LPCAT4: variants seen among roughly 807,000 people sequenced by gnomAD.
LPCAT4 encodes lysophospholipid acyltransferase LPCAT4.
LPCAT4 carries 30 observed loss-of-function variants against 66.5 expected under a neutral mutation model. The observed-to-expected ratio is 0.45, with a 90% CI of 0.34 to 0.61. The LOEUF (loss-of-function observed/expected upper bound fraction) is 0.61. Among genes scored for constraint, LPCAT4 ranks in the 20% least tolerant of loss-of-function variants. LPCAT4 has a pLI of 0.01. For synonymous variants in LPCAT4, 253 were observed against 262.1 expected (o/e 0.97, Z 0.34); for missense variants, 557 against 656.7 (o/e 0.85, Z 1.66).
rs761077471 is a variant in LPCAT4 at position 34,364,080 on chromosome 15, T to TA, written c.592-8dup. The TA allele has an allele frequency of 4.3e-5, 69 of 1,611,622 alleles. No individual in the cohort carries two copies. The highest frequency in any genetic ancestry group is 3.3e-4 in the Middle Eastern group (2 of 6,056). On this transcript the variant is annotated splice_polypyrimidine_tract_variant and splice_region_variant and intron_variant, in intron 4 of 13. Transcript: ENST00000314891. Reference sequence around the variant, plus strand: ...CCTCAGGAAAGAATAGCACCTGGGGTAAAAAAGAGCAGAATGAGGTGAAGA... The same window carrying TA: ...CCTCAGGAAAGAATAGCACCTGGGGTAAAAAAAGAGCAGAATGAGGTGAAGA...
intron 8 of LPCAT4, 38 bp from the exon 9 acceptor site, chr15:34,362,693 A>G: frequency 6.2e-7 from 1 of 1,609,390 alleles, no homozygotes; most frequent in Non-Finnish European, 8.5e-7. Flanking sequence ...TCAGAACCTC[A>G]AAGTGAGGTA....
At chr15:34,364,429 T>C (rs1397532354) in intron 3 of LPCAT4, 123 bp from the exon 4 acceptor site, 13 of 548,850 alleles carry the variant, frequency 2.4e-5, no homozygotes, top group African/African-American at 1.6e-4. Context: ...TTTTTTTCTG[T>C]TGTTGTTGTT....
At position 34,365,204 on chromosome 15, in the gene LPCAT4, T is replaced by G; in HGVS notation, c.282A>C (p.Leu94=). The G allele has an allele frequency of 6.2e-7, 1 of 1,610,794 alleles. No individual in the cohort carries two copies. The highest frequency in any genetic ancestry group is 8.5e-7 in the Non-Finnish European group (1 of 1,178,708). The change falls in exon 3 of 14, where the codon CTA becomes CTC. Residue 94 remains leucine (L), a synonymous_variant. Coordinates refer to ENST00000314891, the MANE Select transcript of LPCAT4 (RefSeq NM_153613.3). ...WRKTVCHNGV[L]GLSRLLFFLL... The stretch of plus-strand genomic sequence containing the variant: ...GGAAAAACAGCAGGCGGCTCAGGCC[T>G]AGCACCCCGTTGTGGCACACAGTCC...
intron 12 of LPCAT4, 113 bp downstream of exon 12, chr15:34,359,998 A>G (rs1455191569): frequency 4.3e-6 from 4 of 934,662 alleles, no homozygotes; most frequent in Non-Finnish European, 6.7e-6. Context: ...ACTAGGTTGG[A>G]TACCAAATGC....
rs1043443124 is a variant in LPCAT4, at chr15:34,363,344, G to C, written c.746+78C>G. Reference sequence around the variant, plus strand: ...ATGAAGAAGGGCCATTCACCTTGTCGGGAGATTGGAAGATGGGCCAGGAAT... The same window carrying C: ...ATGAAGAAGGGCCATTCACCTTGTCCGGAGATTGGAAGATGGGCCAGGAAT... On this transcript the variant is annotated intron_variant, in intron 7 of 13. Coordinates refer to ENST00000314891, the MANE Select transcript of LPCAT4 (RefSeq NM_153613.3). The surrounding 1 kb of genome is among the most constrained non-coding windows in gnomAD (Gnocchi z 4.3). 15 of 1,482,994 alleles carry C rather than the reference G, an allele frequency of 1.0e-5. No homozygotes were observed. The highest frequency in any genetic ancestry group is 1.4e-5 in the Non-Finnish European group (15 of 1,078,024). 91.9% of individuals were successfully genotyped at this position (1,482,994 alleles called of 1,614,324 possible).
intron 10 of LPCAT4, 64 bp from the exon 11 acceptor site, chr15:34,361,596 G>A: frequency 6.3e-7 from 1 of 1,598,230 alleles, no homozygotes. Flanking sequence ...CCATCAGCAG[G>A]ACTTCAGCCC....
chr15:34,365,132 G>A lies in LPCAT4; in HGVS notation c.354C>T (p.Arg118=). Residue 118 remains arginine, a synonymous_variant, in exon 3 of 14, where the codon CGC becomes CGT. Coordinates refer to ENST00000314891, the MANE Select transcript of LPCAT4 (RefSeq NM_153613.3). ...CAGCAACAAGGACAGGGGCTTGAAGGCGAGAGGCTCGCTGGCCACGAACGC... is the reference window on the plus strand; with the variant it reads ...CAGCAACAAGGACAGGGGCTTGAAGACGAGAGGCTCGCTGGCCACGAACGC... The part of the protein sequence containing the change: ...RIRVRGQRAS[R]LQAPVLVAAP... 3.7e-6 allele frequency: 6 copies of A among 1,614,234 alleles called. No individual in the cohort carries two copies. The highest frequency in any genetic ancestry group is 4.2e-6 in the Non-Finnish European group (5 of 1,180,046).
chr15:34,359,805 CCA>C, intron 12 of LPCAT4, 60 bp from the exon 13 acceptor site: 3 of 1,520,954 alleles, frequency 2.0e-6, no homozygotes, highest in Non-Finnish European at 2.7e-6. Context: ...TCACCCTGCC[CCA>C]CAGACTGGCC....
rs1001639622 is a variant in LPCAT4, at chr15:34,358,965, G to GT, written c.*161dup. The GT allele has an allele frequency of 6.9e-6, 3 of 436,838 alleles. No individual in the cohort carries two copies. The highest frequency in any genetic ancestry group is 7.6e-6 in the Non-Finnish European group (2 of 261,650). 27.1% of individuals were successfully genotyped at this position (436,838 alleles called of 1,614,324 possible). ...TAGATTTATATTTATATATAAAATA[G>GT]TTTTTTACAAAAAAATCAACCAAAC... On this transcript the variant is annotated 3_prime_UTR_variant, in exon 14 of 14. Coordinates refer to ENST00000314891, the MANE Select transcript of LPCAT4 (RefSeq NM_153613.3).
intron 7 of LPCAT4, 25 bp from the exon 8 acceptor site, chr15:34,362,861 T>C (rs748316340): frequency 6.2e-7 from 1 of 1,611,302 alleles, no homozygotes. Flanking sequence ...ATTTCGATAC[T>C]CACCAATCTC....
chr15:34,365,896 A>G lies in LPCAT4; in HGVS notation c.115-195T>C, dbSNP rs188732583. On this transcript the variant is annotated intron_variant, in intron 1 of 13. Transcript: ENST00000314891. ...AATGAGGGCAAGAGGATAAAAGATTAATGGCATCAAGGGCCTTATTTTCCT... is the reference window on the plus strand; with the variant it reads ...AATGAGGGCAAGAGGATAAAAGATTGATGGCATCAAGGGCCTTATTTTCCT... 397 of 604,378 alleles carry G rather than the reference A, an allele frequency of 6.6e-4. 2 individuals carry two copies. The highest frequency in any genetic ancestry group is 2.9e-3 in the Admixed American group (95 of 33,010). 37.4% of individuals were successfully genotyped at this position (604,378 alleles called of 1,614,324 possible).
Position 34,360,137 on chromosome 15 carries a change from C to T in LPCAT4, c.1216G>A (p.Glu406Lys), listed in dbSNP as rs1354404996. 1 of 1,613,654 alleles carries T rather than the reference C, an allele frequency of 6.2e-7. No individual in the cohort carries two copies. Among genetic ancestry groups the T allele is most frequent in the East Asian group, 2.2e-5 (1 of 44,878 alleles). The change falls in exon 12 of 14, where the codon GAA becomes AAA. Residue 406 changes from glutamate to lysine, a missense_variant. Glu to Lys is a moderately conservative substitution (Grantham distance 56). This residue lies in a region of LPCAT4 where 392 missense variants were observed against 473.9 expected (regional missense o/e 0.83). Coordinates refer to ENST00000314891, the MANE Select transcript of LPCAT4 (RefSeq NM_153613.3). ...TCAAAGGCCAGACGAGTTAGCTCTT[C>T]CAGGCTCCTGCCCCCATCCAGAGCT... ...LAALDGGRSLEELTRLAFELF... is the reference protein window; with the variant it reads ...LAALDGGRSLKELTRLAFELF...
At chr15:34,366,150 T>G (rs990668197) in intron 1 of LPCAT4, among the ~76,000 whole-genome samples, 28 of 152,308 alleles carry the variant, frequency 1.8e-4, no homozygotes, top group African/African-American at 6.5e-4. Flanking sequence ...GGCAGAGGGC[T>G]GTAAACAGCC....
In LPCAT4 at chr15:34,364,172, T is replaced by C. The variant is rs370802266; in HGVS notation, c.591+22A>G. ...CAGGAGCACATGGAAAGTGAGAAGA[T>C]GGTCTTGAGACCCTTACCCACCTGC... On this transcript the variant is annotated intron_variant, in intron 4 of 13. Transcript: ENST00000314891. The C allele has an allele frequency of 2.8e-5, 44 of 1,597,012 alleles. No individual in the cohort carries two copies. In the African/African-American group the frequency reaches 5.5e-4, roughly 20 times the overall value.
At position 34,362,554 on chromosome 15, in the gene LPCAT4, T is replaced by C; in HGVS notation, c.884+19A>G. ...TGCCCTGTGCAACTGCTCCAGGAAA[T>C]AGTTTGTGGGGCACTCACTGTGCCA... is the stretch of plus-strand genomic sequence containing the variant. On this transcript the variant is annotated intron_variant, in intron 9 of 13. Transcript: ENST00000314891. The C allele has an allele frequency of 6.5e-7, 1 of 1,533,440 alleles. No individual in the cohort carries two copies. Among genetic ancestry groups the C allele is most frequent in the Non-Finnish European group, 8.8e-7 (1 of 1,140,016 alleles). The allele number at this position is 1,533,440 out of a possible 1,614,324, so 95.0% of individuals were successfully genotyped here.
intron 11 of LPCAT4, 43 bp from the exon 12 acceptor site, chr15:34,360,252 C>A (rs376930186): frequency 6.8e-5 from 101 of 1,492,142 alleles, no homozygotes; most frequent in Non-Finnish European, 8.8e-5. Flanking sequence ...GACCCTGCGC[C>A]TCCCTTCCTG....
At position 34,359,123 on chromosome 15, in the gene LPCAT4, G is replaced by A; in HGVS notation, c.*4C>T. 1 of 1,598,964 alleles carries A rather than the reference G, an allele frequency of 6.3e-7. No homozygotes were observed. The highest frequency in any genetic ancestry group is 8.5e-7 in the Non-Finnish European group (1 of 1,173,566). ...GAGGAGGAGGGGGTGAGAGGCTGAG[G>A]CACTCAGTCTCCCTTCTGCTTGGGT... On this transcript the variant is annotated 3_prime_UTR_variant, in exon 14 of 14. Coordinates refer to ENST00000314891, the MANE Select transcript of LPCAT4 (RefSeq NM_153613.3).
Position 34,363,955 on chromosome 15 carries a change from T to A in LPCAT4, c.652+58A>T, listed in dbSNP as rs939403666. 1 of 1,550,774 alleles carries A rather than the reference T, an allele frequency of 6.4e-7. No homozygotes were observed. The highest frequency in any genetic ancestry group is 8.9e-7 in the Non-Finnish European group (1 of 1,126,528). Reference sequence around the variant, plus strand: ...ACTTCTTGGGTTATTTCAGAGTCCCTCCCCAAATCTGGAACTTCTTTTTCC... The same window carrying A: ...ACTTCTTGGGTTATTTCAGAGTCCCACCCCAAATCTGGAACTTCTTTTTCC... On this transcript the variant is annotated intron_variant, in intron 5 of 13. Transcript: ENST00000314891. This position sits in a 1 kb window ranked among gnomAD's most constrained non-coding sequence, Gnocchi z 4.3.
At chr15:34,361,885 G>A (rs1026662909) in intron 10 of LPCAT4, among the ~76,000 whole-genome samples, 3 of 152,154 alleles carry the variant, frequency 2.0e-5, no homozygotes, top group African/African-American at 7.2e-5. Flanking sequence ...TTTTAGCAGA[G>A]ATGGGGTTTT....
Sources: gnomAD v4.1 joint callset for allele counts (sites outside exome capture counted in the v4.1 genomes callset) on GRCh38, gnomAD v4.1.1 for gene constraint, gnomAD v4.1.1 regional missense constraint, Gnocchi (gnomAD v3.1) non-coding constraint, MANE v1.5 for transcripts, NCBI Gene and HGNC (gene_info 2026-07-23, HGNC 2026-07-21) for gene names.